Variants in ARFGEF2 observed in about 807,000 individuals in gnomAD.
ARFGEF2 encodes the protein ARF guanine nucleotide exchange factor 2, also known as brefeldin A-inhibited guanine nucleotide-exchange protein 2.
A neutral mutation model predicts 219.9 loss-of-function variants in ARFGEF2; 74 were observed. The observed-to-expected ratio is 0.34, with a 90% CI of 0.28 to 0.41. The LOEUF (loss-of-function observed/expected upper bound fraction) is 0.41. Among genes scored for constraint, ARFGEF2 ranks in the 10% least tolerant of loss-of-function variants. The pLI is 1.00. For synonymous variants in ARFGEF2, 733 were observed against 799.2 expected, an observed-to-expected ratio of 0.92 and a Z score of 1.40; for missense variants, 1,743 against 2,218.3, an observed-to-expected ratio of 0.79 and a Z score of 4.30.
At chr20:49,029,383 C>T (rs1418289115) in intron 37 of ARFGEF2, among the ~76,000 whole-genome samples, 1 of 152,110 alleles carries the variant, frequency 6.6e-6, no homozygotes, top group African/African-American at 2.4e-5. Flanking sequence ...ACCAGGAGCC[C>T]TAAAGTGTTC....
At chr20:48,963,744 A>T in intron 6 of ARFGEF2, 86 bp from the exon 7 acceptor site, 1 of 1,340,290 alleles carries the variant, frequency 7.5e-7, no homozygotes, top group Non-Finnish European at 1.1e-6. Flanking sequence ...TCTGAAATGT[A>T]ACTCCCCATA....
chr20:48,972,313 T>G lies in ARFGEF2; in HGVS notation c.1426-13T>G. On this transcript the variant is annotated splice_polypyrimidine_tract_variant and intron_variant, in intron 10 of 38. Coordinates refer to ENST00000371917, the MANE Select transcript of ARFGEF2 (RefSeq NM_006420.3). The stretch of plus-strand genomic sequence containing the variant: ...TGTTAATTAGTGTCCTCCTTTGTCT[T>G]TATGTCATATAGGTCTTTTTCAAAG... 1 of 1,587,646 alleles carries G rather than the reference T, an allele frequency of 6.3e-7. No homozygotes were observed. Among genetic ancestry groups the G allele is most frequent in the Non-Finnish European group, 8.7e-7 (1 of 1,155,864 alleles).
intron 16 of ARFGEF2, among the ~76,000 whole-genome samples, chr20:48,985,997 T>C (rs1287159776): frequency 1.3e-5 from 2 of 149,632 alleles, no homozygotes; most frequent in African/African-American, 5.0e-5. Context: ...GGTTTTTCTT[T>C]AATTGCATAC....
At chr20:49,024,299 A>G (rs866403876) in intron 35 of ARFGEF2, among the ~76,000 whole-genome samples, 6 of 152,160 alleles carry the variant, frequency 3.9e-5, no homozygotes, top group African/African-American at 1.2e-4. Flanking sequence ...GAAAACATAG[A>G]GAATTCAGTG....
Position 49,023,059 on chromosome 20 carries a change from C to G in ARFGEF2, c.4633C>G (p.Leu1545Val), listed in dbSNP as rs1241503888. 1.2e-6 allele frequency: 2 copies of G among 1,614,176 alleles called. No individual in the cohort carries two copies. Among genetic ancestry groups the G allele is most frequent in the Non-Finnish European group, 1.7e-6 (2 of 1,180,026 alleles). The change falls in exon 35 of 39, where the codon CTG becomes GTG. Residue 1545 changes from leucine to valine, a missense_variant. Around this residue, in one of 5 missense-constraint regions of ARFGEF2, gnomAD observed 578 missense variants for 664.0 expected, o/e 0.87. Transcript: ENST00000371917. ...WKGRPYANQK[L>V]FASLLIKCVV... ...TTTATCATCTAACATAGATCAGAAA[C>G]TGTTTGCCAGCCTCCTCATCAAGTG...
chr20:49,011,914 G>A lies in ARFGEF2; in HGVS notation c.3758-10G>A. ...TGGTCTTATGAAAAATGTGCCTTGTGTTCCCCCAGCAACTATTTTCCAGCA... is the reference window on the plus strand; with the variant it reads ...TGGTCTTATGAAAAATGTGCCTTGTATTCCCCCAGCAACTATTTTCCAGCA... On this transcript the variant is annotated splice_polypyrimidine_tract_variant and intron_variant, in intron 27 of 38. Coordinates refer to ENST00000371917, the MANE Select transcript of ARFGEF2 (RefSeq NM_006420.3). 1 of 1,614,010 alleles carries A rather than the reference G, an allele frequency of 6.2e-7. No individual in the cohort carries two copies. The highest frequency in any genetic ancestry group is 8.5e-7 in the Non-Finnish European group (1 of 1,179,982).
intron 3 of ARFGEF2, among the ~76,000 whole-genome samples, chr20:48,948,602 C>T (rs2091044551): frequency 6.6e-6 from 1 of 152,218 alleles, no homozygotes; most frequent in African/African-American, 2.4e-5. Context: ...CTTACTTACC[C>T]TAACCTCTGT....
At chr20:48,938,612 G>T (rs1568691872) in intron 1 of ARFGEF2, among the ~76,000 whole-genome samples, 1 of 152,036 alleles carries the variant, frequency 6.6e-6, no homozygotes, top group Non-Finnish European at 1.5e-5. Context: ...ATGTACAGTT[G>T]GTTAATGTTA....
chr20:48,956,843 G>C (rs190316268), intron 6 of ARFGEF2, among the ~76,000 whole-genome samples: 1 of 152,080 alleles, frequency 6.6e-6, no homozygotes, highest in Non-Finnish European at 1.5e-5. Flanking sequence ...GCCTCCCAAA[G>C]TAATGGGATT....
chr20:49,022,132 G>C (rs1450728366), intron 34 of ARFGEF2, among the ~76,000 whole-genome samples: 1 of 135,386 alleles, frequency 7.4e-6, no homozygotes, highest in Non-Finnish European at 1.5e-5. Context: ...TCCAGCCAGG[G>C]TGACAAAGCG....
intron 11 of ARFGEF2, 55 bp from the exon 12 acceptor site, chr20:48,973,090 A>G: frequency 1.2e-6 from 2 of 1,608,984 alleles, no homozygotes; most frequent in Non-Finnish European, 1.7e-6. Flanking sequence ...GTTTGATAAG[A>G]AAACCTAACT....
At chr20:49,002,713 G>A (rs1241104925) in intron 25 of ARFGEF2, among the ~76,000 whole-genome samples, 1 of 152,116 alleles carries the variant, frequency 6.6e-6, no homozygotes, top group Admixed American at 6.6e-5. Context: ...CCAGGTTCAA[G>A]CAATTCTCTT....
intron 37 of ARFGEF2, among the ~76,000 whole-genome samples, chr20:49,030,362 G>A (rs1334667857): frequency 1.3e-5 from 2 of 149,334 alleles, no homozygotes; most frequent in Non-Finnish European, 3.0e-5. Context: ...GTCTTGCTAT[G>A]TTGCCTAGGC....
rs963623819 is a variant in ARFGEF2 at position 48,951,333 on chromosome 20, C to G, written c.287C>G (p.Ala96Gly). ...TSLDCLQKLI[A>G]YGHITGNAPD... is the part of the protein sequence containing the mutation. ...TCTTTCTCTCTTTAGAAACTCATCG[C>G]ATACGGGCACATCACTGGCAACGCC... The change falls in exon 4 of 39, where the codon GCA becomes GGA. Residue 96 changes from alanine (A) to glycine (G), a missense_variant. Ala to Gly is a moderately conservative substitution (Grantham distance 60). Coordinates refer to ENST00000371917, the MANE Select transcript of ARFGEF2 (RefSeq NM_006420.3). 6.2e-7 allele frequency: 1 copy of G among 1,614,158 alleles called. No individual in the cohort carries two copies. The highest frequency in any genetic ancestry group is 1.3e-5 in the African/African-American group (1 of 75,042).
intron 3 of ARFGEF2, among the ~76,000 whole-genome samples, chr20:48,950,588 G>A (rs757777077): frequency 1.3e-4 from 19 of 151,310 alleles, no homozygotes; most frequent in Non-Finnish European, 2.4e-4. Flanking sequence ...GAGCCCAAGA[G>A]TTTGGGACCA....
In ARFGEF2 at chr20:49,034,546, A is replaced by T. The variant is rs2091655568; in HGVS notation, c.*1347A>T. ...CACGCCTCATTCTCTGCCCTCACCCACTGCTCACCTAGAGCATCGCTGAGC... is the reference window on the plus strand; with the variant it reads ...CACGCCTCATTCTCTGCCCTCACCCTCTGCTCACCTAGAGCATCGCTGAGC... On this transcript the variant is annotated 3_prime_UTR_variant, in exon 39 of 39. Coordinates refer to ENST00000371917, the MANE Select transcript of ARFGEF2 (RefSeq NM_006420.3). 1 of 152,294 alleles carries T rather than the reference A, an allele frequency of 6.6e-6. No individual in the cohort carries two copies. The highest frequency in any genetic ancestry group is 1.9e-4 in the East Asian group (1 of 5,192). The allele number at this position is 152,294 out of a possible 1,614,324, so 9.4% of individuals were successfully genotyped here. A position where few individuals can be genotyped will look rare whatever the true frequency, so the allele number is the denominator to read the frequency against.
In ARFGEF2 at chr20:48,928,493, C is replaced by T. The variant is rs185632744; in HGVS notation, c.121+6483C>T. Among the ~76,000 whole-genome samples, 518 of 139,606 alleles carry T rather than the reference C, an allele frequency of 3.7e-3. 4 individuals are homozygous for T. Among genetic ancestry groups the T allele is most frequent in the African/African-American group, 0.013 (496 of 37,150 alleles). 91.6% of individuals were successfully genotyped at this position (139,606 alleles called of 152,430 possible). ...GATTACAGGCGTGAGCCACCGCGCC[C>T]GGCCGCAATCTTTTTTTTTTTGAGC... On this transcript the variant is annotated intron_variant, in intron 1 of 38. Coordinates refer to ENST00000371917, the MANE Select transcript of ARFGEF2 (RefSeq NM_006420.3).
chr20:48,931,172 C>G (rs568450878), intron 1 of ARFGEF2, among the ~76,000 whole-genome samples: 2 of 152,180 alleles, frequency 1.3e-5, no homozygotes, highest in African/African-American at 4.8e-5. Flanking sequence ...CAACTCTTTC[C>G]CGAAGGTTGG....
At chr20:49,008,004 A>T (rs1179902304) in intron 26 of ARFGEF2, among the ~76,000 whole-genome samples, 1 of 152,166 alleles carries the variant, frequency 6.6e-6, no homozygotes, top group Non-Finnish European at 1.5e-5. Context: ...ACTCTCAGAT[A>T]CTGTTGGTGG....
Sources: gnomAD v4.1 joint callset for allele counts (sites outside exome capture counted in the v4.1 genomes callset) on GRCh38, gnomAD v4.1.1 for gene constraint, gnomAD v4.1.1 regional missense constraint, MANE v1.5 for transcripts, NCBI Gene and HGNC (gene_info 2026-07-23, HGNC 2026-07-21) for gene names.